Variants in UGT2A1 observed in about 807,000 individuals in gnomAD.
UGT2A1 encodes UDP glucuronosyltransferase family 2 member A1 complex locus, also known as UDP-glucuronosyltransferase 2A1.
UGT2A1 carries 61 observed loss-of-function variants against 45.4 expected under a neutral mutation model. That is an observed-to-expected ratio of 1.34 (90% CI 1.09 to 1.66). The LOEUF (loss-of-function observed/expected upper bound fraction) is 1.66, where lower values mean the gene tolerates loss of function less well. Ranked by LOEUF, UGT2A1 falls within the 40% of genes most tolerant of loss-of-function variation. UGT2A1 has a pLI of 0.00. For synonymous variants in UGT2A1, 229 were observed against 196.2 expected (o/e 1.17, Z -1.40); for missense variants, 649 against 574.3 (o/e 1.13, Z -1.33).
intron 2 of UGT2A1, chr4:69,639,572 C>T: frequency 6.2e-7 from 1 of 1,610,872 alleles, no homozygotes; most frequent in South Asian, 1.1e-5. Flanking sequence ...CAACTTCAGT[C>T]AGAGTCAAAT....
At chr4:69,643,566 G>A (rs973026972) in intron 2 of UGT2A1, among the ~76,000 whole-genome samples, 1 of 151,532 alleles carries the variant, frequency 6.6e-6, no homozygotes, top group Non-Finnish European at 1.5e-5. Flanking sequence ...TGCATAGGAA[G>A]ATATTAATAT....
At chr4:69,607,905 A>C (rs1201352677) in intron 3 of UGT2A1, among the ~76,000 whole-genome samples, 10 of 152,208 alleles carry the variant, frequency 6.6e-5, no homozygotes, top group African/African-American at 2.4e-4. Flanking sequence ...GCGATCATTA[A>C]AAAGTCAGGA....
At position 69,605,266 on chromosome 4, in the gene UGT2A1, T is replaced by C. The variant is rs559367591; in HGVS notation, c.848-5872A>G. 4.8e-3 allele frequency among the ~76,000 whole-genome samples: 661 copies of C among 136,494 alleles called. 140 individuals are homozygous for C. Among genetic ancestry groups the C allele is most frequent in the Middle Eastern group, 0.019 (5 of 260 alleles). The allele number at this position is 136,494 out of a possible 152,430, so 89.5% of individuals were successfully genotyped here. ...CAAATTAGAACTCAGGATTAAGAAA[T>C]TCACTCAAAACCGCTCAACTACATG... On this transcript the variant is annotated intron_variant, in intron 3 of 6. Transcript: ENST00000286604.
intron 6 of UGT2A1, among the ~76,000 whole-genome samples, chr4:69,593,878 T>C (rs1006401473): frequency 1.3e-5 from 2 of 151,632 alleles, no homozygotes; most frequent in African/African-American, 4.9e-5. Context: ...AATTAGTTTA[T>C]AATATTAAGC....
intron 3 of UGT2A1, among the ~76,000 whole-genome samples, chr4:69,619,377 G>C (rs1341797211): frequency 6.6e-6 from 1 of 151,554 alleles, no homozygotes; most frequent in Non-Finnish European, 1.5e-5. Flanking sequence ...TTCAGCCTGG[G>C]TGACAGAGCA....
intron 3 of UGT2A1, chr4:69,599,655 G>T: frequency 6.0e-6 from 2 of 330,756 alleles, no homozygotes; most frequent in Non-Finnish European, 1.1e-5. Context: ...GGAAAGCAAG[G>T]AAAAGTGAGA....
chr4:69,638,899 C>A, intron 2 of UGT2A1: 1 of 1,571,936 alleles, frequency 6.4e-7, no homozygotes, highest in Non-Finnish European at 8.6e-7. Flanking sequence ...TTAGACTTAC[C>A]TAAAATTTTG....
Position 69,646,998 on chromosome 4 carries a change from T to C in UGT2A1, c.647A>G (p.Tyr216Cys). 1.2e-6 allele frequency: 2 copies of C among 1,612,132 alleles called. No homozygotes were observed. Among genetic ancestry groups the C allele is most frequent in the Non-Finnish European group, 1.7e-6 (2 of 1,178,914 alleles). The change falls in exon 2 of 7, where the codon TAC becomes TGC. Residue 216 changes from tyrosine (Y) to cysteine (C), a missense_variant. Coordinates refer to ENST00000286604, the MANE Select transcript of UGT2A1 (RefSeq NM_001252275.3). ...FTDRIRNFISYHLQDYMFETL... is the reference protein window; with the variant it reads ...FTDRIRNFISCHLQDYMFETL... ...TTCAAACATGTAGTCCTGTAGGTGG[T>C]AGGAGATGAAATTTCTTATTCTGTC...
At chr4:69,618,785 G>T (rs887173169) in intron 3 of UGT2A1, among the ~76,000 whole-genome samples, 1 of 151,738 alleles carries the variant, frequency 6.6e-6, no homozygotes, top group East Asian at 1.9e-4. Flanking sequence ...TTAAAAAATA[G>T]AAGTGAACTT....
chr4:69,627,195 C>T (rs1721109326), intron 3 of UGT2A1, among the ~76,000 whole-genome samples: 2 of 151,590 alleles, frequency 1.3e-5, no homozygotes, highest in Admixed American at 6.6e-5. Flanking sequence ...TCCTTTGCCA[C>T]AATAACACAA....
chr4:69,598,136 T>A (rs3775783), intron 4 of UGT2A1, among the ~76,000 whole-genome samples: 37,396 of 152,072 alleles, frequency 0.25, 4,964 homozygotes, highest in African/African-American at 0.34. Context: ...ATAATAAACA[T>A]TCACTAGAGC....
At chr4:69,603,235 G>C (rs1408463464) in intron 3 of UGT2A1, among the ~76,000 whole-genome samples, 1 of 135,990 alleles carries the variant, frequency 7.4e-6, no homozygotes, top group Non-Finnish European at 1.6e-5. Context: ...AGAGATACAA[G>C]AGGAAGGAAT....
intron 3 of UGT2A1, among the ~76,000 whole-genome samples, chr4:69,625,397 G>T (rs1425222834): frequency 6.6e-6 from 1 of 150,776 alleles, no homozygotes; most frequent in East Asian, 1.9e-4. Flanking sequence ...CCTTCCTTTA[G>T]GATATTGAAA....
At chr4:69,606,684 G>T (rs1311899451) in intron 3 of UGT2A1, among the ~76,000 whole-genome samples, 1 of 136,650 alleles carries the variant, frequency 7.3e-6, no homozygotes, top group Non-Finnish European at 1.6e-5. Flanking sequence ...CATCGTCTCA[G>T]CCCAAAATCT....
chr4:69,603,312 C>G (rs1719406464), intron 3 of UGT2A1, among the ~76,000 whole-genome samples: 1 of 135,940 alleles, frequency 7.4e-6, no homozygotes, highest in African/African-American at 3.0e-5. Context: ...AAAAACAAAA[C>G]CACTTATGTA....
At chr4:69,620,239 G>A (rs544305836) in intron 3 of UGT2A1, among the ~76,000 whole-genome samples, 4 of 151,956 alleles carry the variant, frequency 2.6e-5, no homozygotes, top group African/African-American at 9.6e-5. Flanking sequence ...AAACCCCATA[G>A]TCTCAGCCCC....
intron 6 of UGT2A1, among the ~76,000 whole-genome samples, chr4:69,593,116 T>A (rs1718683531): frequency 6.6e-6 from 1 of 152,118 alleles, no homozygotes; most frequent in Admixed American, 6.5e-5. Flanking sequence ...CAGATAAAAG[T>A]CATTCTCATA....
At chr4:69,634,268 A>C (rs1392615528) in intron 3 of UGT2A1, among the ~76,000 whole-genome samples, 1 of 128,882 alleles carries the variant, frequency 7.8e-6, no homozygotes, top group Admixed American at 7.4e-5. Context: ...AACAAAACAA[A>C]ACAAAACAAC....
At position 69,607,058 on chromosome 4, in the gene UGT2A1, G is replaced by GA. The variant is rs1204975679; in HGVS notation, c.848-7665dup. Among the ~76,000 whole-genome samples the GA allele has an allele frequency of 1.4e-4, 15 of 110,470 alleles. 2 individuals carry two copies. In the Middle Eastern group the frequency reaches 0.016, roughly 115 times the overall value. The allele number at this position is 110,470 out of a possible 152,430, so 72.5% of individuals were successfully genotyped here. A position where few individuals can be genotyped will look rare whatever the true frequency, so the allele number is the denominator to read the frequency against. ...ACCAATGACTTTCTTCACAGAATTGGAAAAAACTACTTTAAAGTTCATATG... is the reference window on the plus strand; with the variant it reads ...ACCAATGACTTTCTTCACAGAATTGGAAAAAAACTACTTTAAAGTTCATATG... On this transcript the variant is annotated intron_variant, in intron 3 of 6. Coordinates refer to ENST00000286604, the MANE Select transcript of UGT2A1 (RefSeq NM_001252275.3).
Sources: gnomAD v4.1 joint callset for allele counts (sites outside exome capture counted in the v4.1 genomes callset) on GRCh38, gnomAD v4.1.1 for gene constraint, MANE v1.5 for transcripts, NCBI Gene and HGNC (gene_info 2026-07-23, HGNC 2026-07-21) for gene names.